TGFA: variants seen among roughly 807,000 people sequenced by gnomAD.
TGFA encodes transforming growth factor alpha.
A neutral mutation model predicts 21.7 loss-of-function variants in TGFA; 12 were observed. The ratio of observed to expected loss-of-function variants is 0.55; its 90% CI spans 0.35 to 0.90. The LOEUF is 0.90. Ranked by LOEUF, TGFA falls within the 40% of genes least tolerant of loss-of-function variation. The probability of loss-of-function intolerance (pLI) is 0.01; values close to 1 mark genes in which losing one functional copy is unlikely to be tolerated. For missense variants in TGFA, 178 were observed against 210.8 expected (o/e 0.84, Z 0.96); for synonymous variants, 79 against 88.1 (o/e 0.90, Z 0.58).
chr2:70,485,323 C>T (rs947376905), intron 2 of TGFA, among the ~76,000 whole-genome samples: 8 of 152,156 alleles, frequency 5.3e-5, no homozygotes, highest in African/African-American at 1.4e-4. Context: ...CTGCAACCCC[C>T]GCCTCCTGGG....
At chr2:70,457,686 C>T (rs897442279) in intron 3 of TGFA, among the ~76,000 whole-genome samples, 10 of 151,936 alleles carry the variant, frequency 6.6e-5, no homozygotes, top group African/African-American at 2.2e-4. Flanking sequence ...GGATTACAGG[C>T]ACATGCCACC....
intron 1 of TGFA, among the ~76,000 whole-genome samples, chr2:70,518,861 C>A (rs1383073443): frequency 6.6e-6 from 1 of 152,162 alleles, no homozygotes; most frequent in Non-Finnish European, 1.5e-5. Flanking sequence ...TGCTTTCAGG[C>A]CCCTATGTAC....
At chr2:70,483,574 A>G (rs113470683) in intron 2 of TGFA, among the ~76,000 whole-genome samples, 1,614 of 152,330 alleles carry the variant, frequency 0.011, 40 homozygotes, top group African/African-American at 0.037. Flanking sequence ...GACAGAAAAT[A>G]TAAAAGCAAA....
intron 2 of TGFA, among the ~76,000 whole-genome samples, chr2:70,497,002 G>T (rs369042854): frequency 1.3e-5 from 2 of 152,218 alleles, no homozygotes; most frequent in South Asian, 2.1e-4. Flanking sequence ...TCTGAGACCC[G>T]AAGGACATGA....
intron 1 of TGFA, among the ~76,000 whole-genome samples, chr2:70,533,184 A>G (rs553343317): frequency 2.0e-4 from 30 of 152,166 alleles, no homozygotes; most frequent in Non-Finnish European, 4.1e-4. Context: ...TACTGCTGGA[A>G]AACAGCGTCT....
chr2:70,549,094 C>T (rs963643613), intron 1 of TGFA, among the ~76,000 whole-genome samples: 3 of 152,132 alleles, frequency 2.0e-5, no homozygotes, highest in East Asian at 1.9e-4. Flanking sequence ...AGCAAGACAA[C>T]GGTCAGCTTT....
At chr2:70,514,968 C>G in intron 1 of TGFA, 56 bp from the exon 2 acceptor site, 1 of 1,555,778 alleles carries the variant, frequency 6.4e-7, no homozygotes, top group Non-Finnish European at 8.8e-7. Context: ...AAATGATGTC[C>G]TCAGACGCTT....
chr2:70,533,182 GA>G (rs1184199072), intron 1 of TGFA, among the ~76,000 whole-genome samples: 1 of 152,168 alleles, frequency 6.6e-6, no homozygotes, highest in Non-Finnish European at 1.5e-5. Context: ...TTTACTGCTG[GA>G]AAACAGCGTC....
chr2:70,506,489 T>TA (rs1671930827), intron 2 of TGFA, among the ~76,000 whole-genome samples: 1 of 152,180 alleles, frequency 6.6e-6, no homozygotes, highest in Non-Finnish European at 1.5e-5. Context: ...GGATGACTGT[T>TA]ACGCACACTG....
chr2:70,461,767 A>G (rs1670411685), intron 3 of TGFA: 1 of 152,184 alleles, frequency 6.6e-6, no homozygotes, highest in African/African-American at 2.4e-5. Flanking sequence ...GTCTTTGCAA[A>G]TTCTCTTCCC....
At chr2:70,539,701 C>T (rs1010292095) in intron 1 of TGFA, among the ~76,000 whole-genome samples, 8 of 152,202 alleles carry the variant, frequency 5.3e-5, no homozygotes, top group East Asian at 3.9e-4. Flanking sequence ...GTGATCTGCC[C>T]GCCTCGGCCT....
intron 2 of TGFA, among the ~76,000 whole-genome samples, chr2:70,471,067 AACTT>A (rs1175520164): frequency 4.6e-5 from 7 of 151,982 alleles, no homozygotes; most frequent in African/African-American, 1.7e-4. Flanking sequence ...CATGCACCTA[AACTT>A]ACTCTTTCTA....
chr2:70,547,239 T>C (rs568603037), intron 1 of TGFA, among the ~76,000 whole-genome samples: 5 of 152,282 alleles, frequency 3.3e-5, no homozygotes, highest in South Asian at 2.1e-4. Flanking sequence ...TTACAATAAA[T>C]GTAGTCAAGG....
At chr2:70,539,764 A>C (rs1162484541) in intron 1 of TGFA, among the ~76,000 whole-genome samples, 1 of 152,138 alleles carries the variant, frequency 6.6e-6, no homozygotes, top group Non-Finnish European at 1.5e-5. Context: ...CAACCTTGAT[A>C]TTTCAATCTT....
At chr2:70,486,837 A>T (rs1381282500) in intron 2 of TGFA, among the ~76,000 whole-genome samples, 2 of 151,680 alleles carry the variant, frequency 1.3e-5, no homozygotes, top group Non-Finnish European at 2.9e-5. Context: ...ATCTCGGCTC[A>T]CTGCAAGCTC....
At chr2:70,459,921 T>C (rs531325560) in intron 3 of TGFA, among the ~76,000 whole-genome samples, 4 of 152,184 alleles carry the variant, frequency 2.6e-5, no homozygotes, top group South Asian at 2.1e-4. Context: ...TGCCTCATCA[T>C]TGGGACTCCA....
intron 2 of TGFA, among the ~76,000 whole-genome samples, chr2:70,479,350 C>A (rs1671036960): frequency 6.6e-6 from 1 of 152,132 alleles, no homozygotes; most frequent in Admixed American, 6.5e-5. Flanking sequence ...GCTTTGGACC[C>A]CATAGGCCTC....
rs1259351439 is a variant in TGFA at position 70,450,804 on chromosome 2, C to A, written c.*55G>T. ...CTCTGGCAGTGCTGTCCTGAAGAAG[C>A]CTTTCTTTATTGATCTGCCACAGTC... On this transcript the variant is annotated 3_prime_UTR_variant, in exon 6 of 6. Transcript: ENST00000295400. 6.3e-7 allele frequency: 1 copy of A among 1,597,040 alleles called. No individual in the cohort carries two copies. The highest frequency in any genetic ancestry group is 8.5e-7 in the Non-Finnish European group (1 of 1,169,614).
At chr2:70,463,342 A>G (rs1553491711) in intron 3 of TGFA, among the ~76,000 whole-genome samples, 1 of 152,166 alleles carries the variant, frequency 6.6e-6, no homozygotes. Flanking sequence ...GAGATGGCCA[A>G]TCACCCTGAT....
Sources: allele counts gnomAD v4.1 joint callset (sites outside exome capture counted in the v4.1 genomes callset), GRCh38; gene constraint gnomAD v4.1.1; transcripts MANE v1.5; gene names NCBI Gene and HGNC (gene_info 2026-07-23, HGNC 2026-07-21).